Variants in H3C3 observed in about 807,000 individuals in gnomAD.
H3C3 encodes the protein histone H3.1.
In H3C3, 14 loss-of-function variants were observed where a neutral mutation model predicts 7.7. The observed-to-expected ratio is 1.81, with a 90% confidence interval of 1.20 to 2.83. H3C3 has a LOEUF of 2.83. Among genes scored for constraint, H3C3 ranks in the 30% most tolerant of loss-of-function variants. H3C3 has a pLI of 0.00. For synonymous variants in H3C3, 178 were observed against 77.1 expected, an observed-to-expected ratio of 2.31 and a Z score of -6.86; for missense variants, 205 against 191.2, an observed-to-expected ratio of 1.07 and a Z score of -0.43.
In H3C3 at chr6:26,045,832, T is replaced by C. The variant is rs1267106950; in HGVS notation, c.*11T>C. 1 of 1,609,564 alleles carries C rather than the reference T, an allele frequency of 6.2e-7. No individual in the cohort carries two copies. Among genetic ancestry groups the C allele is most frequent in the South Asian group, 1.1e-5 (1 of 90,748 alleles). On this transcript the variant is annotated 3_prime_UTR_variant, in exon 1 of 1. Coordinates refer to ENST00000612966, the MANE Select transcript of H3C3 (RefSeq NM_003531.3). ...GGGGAAAGGGCATAAGTCTGCCCGT[T>C]TCTTCCTCATTGAAAAGGCTCTTTT...
rs1329013510 is a variant in H3C3, at chr6:26,045,464, C to T, written c.54C>T (p.Arg18=). The change falls in exon 1 of 1, where the codon CGC becomes CGT. Residue 18 remains arginine (R), a synonymous_variant. Coordinates refer to ENST00000612966, the MANE Select transcript of H3C3 (RefSeq NM_003531.3). The part of the protein sequence containing the change: ...ARKSTGGKAP[R]KQLATKAARK... ...AGTCTACCGGCGGCAAAGCTCCGCG[C>T]AAGCAGCTTGCTACTAAAGCAGCCC... 2 of 1,610,050 alleles carry T rather than the reference C, an allele frequency of 1.2e-6. No homozygotes were observed. The highest frequency in any genetic ancestry group is 1.7e-6 in the Non-Finnish European group (2 of 1,179,108).
rs558243677 is a variant in H3C3 at position 26,045,572 on chromosome 6, C to G, written c.162C>G (p.Arg54=). Residue 54 remains arginine (R), a synonymous_variant, in exon 1 of 1, where the codon CGC becomes CGG. Coordinates refer to ENST00000612966, the MANE Select transcript of H3C3 (RefSeq NM_003531.3). The part of the protein sequence containing the change: ...PGTVALREIR[R]YQKSTELLIR... ...CCGTGGCCTTGCGCGAAATCCGTCGCTACCAGAAGTCCACCGAGCTGCTGA... is the reference window on the plus strand; with the variant it reads ...CCGTGGCCTTGCGCGAAATCCGTCGGTACCAGAAGTCCACCGAGCTGCTGA... The G allele has an allele frequency of 1.2e-6, 2 of 1,614,200 alleles. No individual in the cohort carries two copies. The highest frequency in any genetic ancestry group is 1.7e-6 in the Non-Finnish European group (2 of 1,180,012).
Position 26,045,785 on chromosome 6 carries a change from C to T in H3C3, c.375C>T (p.Ile125=), listed in dbSNP as rs767668717. Residue 125 remains isoleucine, a synonymous_variant, in exon 1 of 1, where the codon ATC becomes ATT. Transcript: ENST00000612966. ...AKRVTIMPKD[I]QLARRIRGER... is the part of the protein sequence containing the mutation. The stretch of plus-strand genomic sequence containing the variant: ...GCGTCACCATCATGCCCAAAGATAT[C>T]CAGCTGGCACGTCGCATCCGTGGGG... 6.2e-6 allele frequency: 10 copies of T among 1,614,122 alleles called. No individual in the cohort carries two copies. The highest frequency in any genetic ancestry group is 1.6e-4 in the Middle Eastern group (1 of 6,084).
rs1349285466 is a variant in H3C3, at chr6:26,045,415, C to G, written c.5C>G (p.Ala2Gly). The change falls in exon 1 of 1, where the codon GCT (alanine) becomes GGT (glycine). Residue 2 changes from alanine to glycine, a missense_variant. Transcript: ENST00000612966. ...TTGTGTGTGCTCTCATTGCAAATGG[C>G]TCGTACGAAGCAAACAGCTCGCAAG... Reference protein sequence around the residue: MARTKQTARKST... With the variant: MGRTKQTARKST... 6.2e-7 allele frequency: 1 copy of G among 1,604,270 alleles called. No individual in the cohort carries two copies. The highest frequency in any genetic ancestry group is 8.5e-7 in the Non-Finnish European group (1 of 1,177,672).
Position 26,045,821 on chromosome 6 carries a change from A to T in H3C3, c.411A>T (p.Ter137TyrextTer8). 1.2e-6 allele frequency: 2 copies of T among 1,612,788 alleles called. No homozygotes were observed. The highest frequency in any genetic ancestry group is 1.7e-6 in the Non-Finnish European group (2 of 1,179,714). Residue 137 changes from the stop codon to tyrosine (Y), a stop_lost, in exon 1 of 1, where the codon TAA becomes TAT. Coordinates refer to ENST00000612966, the MANE Select transcript of H3C3 (RefSeq NM_003531.3). The stretch of plus-strand genomic sequence containing the variant: ...GTCGCATCCGTGGGGAAAGGGCATA[A>T]GTCTGCCCGTTTCTTCCTCATTGAA... ...LARRIRGERA* is the reference protein window; with the variant it reads ...LARRIRGERAY
At position 26,045,596 on chromosome 6, in the gene H3C3, G is replaced by C. The variant is rs202100651; in HGVS notation, c.186G>C (p.Leu62=). ...GCTACCAGAAGTCCACCGAGCTGCT[G>C]ATCCGGAAGCTGCCGTTCCAGCGCC... ...IRRYQKSTEL[L]IRKLPFQRLV... Residue 62 remains leucine, a synonymous_variant, in exon 1 of 1, where the codon CTG becomes CTC. Transcript: ENST00000612966. The C allele has an allele frequency of 1.2e-6, 2 of 1,614,158 alleles. No homozygotes were observed. Among genetic ancestry groups the C allele is most frequent in the Non-Finnish European group, 8.5e-7 (1 of 1,180,058 alleles).
chr6:26,045,793 C>CA lies in H3C3; in HGVS notation c.384dup (p.Arg129ThrfsTer?). 6.2e-7 allele frequency: 1 copy of CA among 1,614,202 alleles called. No individual in the cohort carries two copies. The highest frequency in any genetic ancestry group is 8.5e-7 in the Non-Finnish European group (1 of 1,180,040). On this transcript the variant is annotated frameshift_variant, in exon 1 of 1. Coordinates refer to ENST00000612966, the MANE Select transcript of H3C3 (RefSeq NM_003531.3). LOFTEE classifies it high-confidence loss of function. ...ATCATGCCCAAAGATATCCAGCTGG[C>CA]ACGTCGCATCCGTGGGGAAAGGGCA...
chr6:26,045,541 C>G lies in H3C3; in HGVS notation c.131C>G (p.Pro44Arg). The change falls in exon 1 of 1, where the codon CCG becomes CGG. Residue 44 changes from proline (P) to arginine (R), a missense_variant. Transcript: ENST00000612966. ...GTGAAGAAACCTCATCGCTACCGCC[C>G]GGGCACCGTGGCCTTGCGCGAAATC... Reference protein sequence around the residue: ...GGVKKPHRYRPGTVALREIRR... With the variant: ...GGVKKPHRYRRGTVALREIRR... The G allele has an allele frequency of 6.2e-7, 1 of 1,614,044 alleles. No individual in the cohort carries two copies. The highest frequency in any genetic ancestry group is 8.5e-7 in the Non-Finnish European group (1 of 1,179,914).
rs1375350870 is a variant in H3C3, at chr6:26,045,605, G to GC, written c.196dup (p.Leu66ProfsTer33). ...AGTCCACCGAGCTGCTGATCCGGAA[G>GC]CTGCCGTTCCAGCGCCTGGTGCGAG... On this transcript the variant is annotated frameshift_variant, in exon 1 of 1. Coordinates refer to ENST00000612966, the MANE Select transcript of H3C3 (RefSeq NM_003531.3). LOFTEE classifies it high-confidence loss of function. The GC allele has an allele frequency of 1.2e-6, 2 of 1,614,118 alleles. No individual in the cohort carries two copies. Among genetic ancestry groups the GC allele is most frequent in the African/African-American group, 2.7e-5 (2 of 74,956 alleles).
chr6:26,045,800 C>T lies in H3C3; in HGVS notation c.390C>T (p.Arg130=), dbSNP rs1174464875. The T allele has an allele frequency of 1.9e-6, 3 of 1,614,190 alleles. No individual in the cohort carries two copies. Among genetic ancestry groups the T allele is most frequent in the East Asian group, 2.2e-5 (1 of 44,888 alleles). ...CCAAAGATATCCAGCTGGCACGTCG[C>T]ATCCGTGGGGAAAGGGCATAAGTCT... ...IMPKDIQLAR[R]IRGERA Residue 130 remains arginine, a synonymous_variant, in exon 1 of 1, where the codon CGC becomes CGT. Transcript: ENST00000612966.
At position 26,045,707 on chromosome 6, in the gene H3C3, C is replaced by G; in HGVS notation, c.297C>G (p.Ala99=). The change falls in exon 1 of 1, where the codon GCC becomes GCG. Residue 99 remains alanine, a synonymous_variant. Coordinates refer to ENST00000612966, the MANE Select transcript of H3C3 (RefSeq NM_003531.3). The part of the protein sequence containing the change: ...AVMALQEACE[A]YLVGLFEDTN... ...TGGCGCTGCAGGAGGCTTGTGAGGC[C>G]TACCTGGTGGGACTCTTCGAAGACA... 1.2e-6 allele frequency: 2 copies of G among 1,614,232 alleles called. No individual in the cohort carries two copies. Among genetic ancestry groups the G allele is most frequent in the Non-Finnish European group, 1.7e-6 (2 of 1,180,034 alleles).
In H3C3 at chr6:26,045,441, T is replaced by C; in HGVS notation, c.31T>C (p.Ser11Pro). The C allele has an allele frequency of 6.2e-7, 1 of 1,610,296 alleles. No individual in the cohort carries two copies. The highest frequency in any genetic ancestry group is 8.5e-7 in the Non-Finnish European group (1 of 1,179,156). The change falls in exon 1 of 1, where the codon TCT (serine) becomes CCT (proline). Residue 11 changes from serine to proline, a missense_variant. Ser to Pro is a moderately conservative substitution (Grantham distance 74). Coordinates refer to ENST00000612966, the MANE Select transcript of H3C3 (RefSeq NM_003531.3). MARTKQTARK[S>P]TGGKAPRKQL... ...TCGTACGAAGCAAACAGCTCGCAAG[T>C]CTACCGGCGGCAAAGCTCCGCGCAA...
Position 26,045,867 on chromosome 6 carries a change from T to A in H3C3, c.*46T>A. The A allele has an allele frequency of 6.4e-7, 1 of 1,555,756 alleles. No homozygotes were observed. The highest frequency in any genetic ancestry group is 1.8e-5 in the Admixed American group (1 of 54,334). On this transcript the variant is annotated 3_prime_UTR_variant, in exon 1 of 1. Transcript: ENST00000612966. ...TTGAAAAGGCTCTTTTCAGAGCCACTCACAATTTCACTTAAAAACAGTTGT... is the reference window on the plus strand; with the variant it reads ...TTGAAAAGGCTCTTTTCAGAGCCACACACAATTTCACTTAAAAACAGTTGT...
Position 26,045,711 on chromosome 6 carries a change from C to CT in H3C3, c.302dup (p.Val102GlyfsTer15). On this transcript the variant is annotated frameshift_variant, in exon 1 of 1. Coordinates refer to ENST00000612966, the MANE Select transcript of H3C3 (RefSeq NM_003531.3). LOFTEE classifies it high-confidence loss of function. The stretch of plus-strand genomic sequence containing the variant: ...GCTGCAGGAGGCTTGTGAGGCCTAC[C>CT]TGGTGGGACTCTTCGAAGACACCAA... 6.2e-7 allele frequency: 1 copy of CT among 1,614,248 alleles called. No individual in the cohort carries two copies. The highest frequency in any genetic ancestry group is 8.5e-7 in the Non-Finnish European group (1 of 1,180,040).
At position 26,045,457 on chromosome 6, in the gene H3C3, C is replaced by T. The variant is rs1761726570; in HGVS notation, c.47C>T (p.Ala16Val). ...QTARKSTGGK[A>V]PRKQLATKAA... ...GCTCGCAAGTCTACCGGCGGCAAAGCTCCGCGCAAGCAGCTTGCTACTAAA... is the reference window on the plus strand; with the variant it reads ...GCTCGCAAGTCTACCGGCGGCAAAGTTCCGCGCAAGCAGCTTGCTACTAAA... Residue 16 changes from alanine (A) to valine (V), a missense_variant, in exon 1 of 1, where the codon GCT (alanine) becomes GTT (valine). By Grantham distance (64) the Ala-to-Val change is moderately conservative (BLOSUM62 0). Coordinates refer to ENST00000612966, the MANE Select transcript of H3C3 (RefSeq NM_003531.3). 1 of 1,610,354 alleles carries T rather than the reference C, an allele frequency of 6.2e-7. No homozygotes were observed. Among genetic ancestry groups the T allele is most frequent in the Non-Finnish European group, 8.5e-7 (1 of 1,179,182 alleles).
rs1761736236 is a variant in H3C3, at chr6:26,045,734, C to T, written c.324C>T (p.Thr108=). 1.2e-6 allele frequency: 2 copies of T among 1,614,102 alleles called. No homozygotes were observed. The highest frequency in any genetic ancestry group is 1.7e-5 in the Admixed American group (1 of 60,006). ...ACCTGGTGGGACTCTTCGAAGACAC[C>T]AATCTGTGCGCTATTCACGCTAAAC... ...EAYLVGLFED[T]NLCAIHAKRV... is the part of the protein sequence containing the mutation. The change falls in exon 1 of 1, where the codon ACC becomes ACT. Residue 108 remains threonine, a synonymous_variant. Transcript: ENST00000612966.
Position 26,045,691 on chromosome 6 carries a change from A to T in H3C3, c.281A>T (p.Gln94Leu). Residue 94 changes from glutamine (Q) to leucine (L), a missense_variant, in exon 1 of 1, where the codon CAG (glutamine) becomes CTG (leucine). Gln to Leu is a moderately radical substitution (Grantham distance 113). Coordinates refer to ENST00000612966, the MANE Select transcript of H3C3 (RefSeq NM_003531.3). ...RFQSSAVMAL[Q>L]EACEAYLVGL... ...CAGAGCTCTGCGGTGATGGCGCTGC[A>T]GGAGGCTTGTGAGGCCTACCTGGTG... is the stretch of plus-strand genomic sequence containing the variant. 6.2e-7 allele frequency: 1 copy of T among 1,614,220 alleles called. No individual in the cohort carries two copies. The highest frequency in any genetic ancestry group is 8.5e-7 in the Non-Finnish European group (1 of 1,180,028).
At position 26,045,533 on chromosome 6, in the gene H3C3, C is replaced by A. The variant is rs372565854; in HGVS notation, c.123C>A (p.Arg41=). The A allele has an allele frequency of 6.2e-7, 1 of 1,613,952 alleles. No individual in the cohort carries two copies. Among genetic ancestry groups the A allele is most frequent in the Non-Finnish European group, 8.5e-7 (1 of 1,179,880 alleles). Residue 41 remains arginine, a synonymous_variant, in exon 1 of 1, where the codon CGC becomes CGA. Transcript: ENST00000612966. ...PATGGVKKPH[R]YRPGTVALRE... Reference sequence around the variant, plus strand: ...CCGGTGGCGTGAAGAAACCTCATCGCTACCGCCCGGGCACCGTGGCCTTGC... The same window carrying A: ...CCGGTGGCGTGAAGAAACCTCATCGATACCGCCCGGGCACCGTGGCCTTGC...
Position 26,045,630 on chromosome 6 carries a change from G to T in H3C3, c.220G>T (p.Glu74Ter), listed in dbSNP as rs774188493. 1.2e-5 allele frequency: 20 copies of T among 1,614,138 alleles called. No individual in the cohort carries two copies. Among genetic ancestry groups the T allele is most frequent in the Non-Finnish European group, 1.6e-5 (19 of 1,180,046 alleles). The change falls in exon 1 of 1, where the codon GAA becomes TAA. Residue 74 changes from glutamate (E) to a stop codon, truncating the protein, a stop_gained. Coordinates refer to ENST00000612966, the MANE Select transcript of H3C3 (RefSeq NM_003531.3). LOFTEE classifies it high-confidence loss of function. ...GCTGCCGTTCCAGCGCCTGGTGCGA[G>T]AAATCGCCCAGGACTTCAAAACCGA... ...RKLPFQRLVR[E>*]IAQDFKTDLR...
Sources: allele counts gnomAD v4.1 joint callset, GRCh38; gene constraint gnomAD v4.1.1; transcripts MANE v1.5; gene names NCBI Gene and HGNC (gene_info 2026-07-23, HGNC 2026-07-21).